Variants in TENM2 observed in about 807,000 individuals in gnomAD.
TENM2 encodes teneurin-2.
A neutral mutation model predicts 245.2 loss-of-function variants in TENM2; 52 were observed. The ratio of observed to expected loss-of-function variants is 0.21; its 90% CI spans 0.17 to 0.27. The LOEUF (loss-of-function observed/expected upper bound fraction) is 0.27, where lower values mean the gene tolerates loss of function less well. Among genes scored for constraint, TENM2 ranks in the 10% least tolerant of loss-of-function variants. The pLI is 1.00. For missense variants in TENM2, 3,046 were observed against 3,666.8 expected, an observed-to-expected ratio of 0.83 and a Z score of 4.37; for synonymous variants, 1,363 against 1,438.9, an observed-to-expected ratio of 0.95 and a Z score of 1.19.
At chr5:167,523,021 A>G (rs982413278) in intron 2 of TENM2, among the ~76,000 whole-genome samples, 2 of 152,118 alleles carry the variant, frequency 1.3e-5, no homozygotes, top group African/African-American at 4.8e-5. Flanking sequence ...GGCTGTTGTC[A>G]TTCCTTGGCT....
intron 1 of TENM2, among the ~76,000 whole-genome samples, chr5:167,341,791 T>C (rs1246499234): frequency 6.6e-6 from 1 of 152,160 alleles, no homozygotes; most frequent in African/African-American, 2.4e-5. Flanking sequence ...CTCCCATGCC[T>C]GAGGCAAAGT....
chr5:167,371,694 G>A lies in TENM2; in HGVS notation c.227-3504G>A, dbSNP rs557615965. Among the ~76,000 whole-genome samples, 156 of 152,124 alleles carry A rather than the reference G, an allele frequency of 1.0e-3. 1 individual carries two copies. The highest frequency in any genetic ancestry group is 3.4e-3 in the Middle Eastern group (1 of 294). On this transcript the variant is annotated intron_variant, in intron 1 of 28. Coordinates refer to ENST00000518659, the Ensembl canonical transcript of TENM2. ...TCCTATGTAATATTTATCACTGTAT[G>A]GATTGCACTTTGTTTATGTGATTCT...
intron 2 of TENM2, among the ~76,000 whole-genome samples, chr5:167,596,066 G>C (rs1582488780): frequency 6.6e-6 from 1 of 151,966 alleles, no homozygotes; most frequent in Admixed American, 6.6e-5. Flanking sequence ...TTCTCCTAAC[G>C]CTATTTTGTT....
At chr5:167,241,433 A>G in the TENM2 span, among the ~76,000 whole-genome samples, 394 of 152,312 alleles carry the variant, frequency 2.6e-3, 2 homozygotes, top group African/African-American at 9.2e-3. Context: ...TGGGTGGATA[A>G]GCAAGAGTTC....
At chr5:167,152,747 G>T in the TENM2 span, among the ~76,000 whole-genome samples, 1 of 152,212 alleles carries the variant, frequency 6.6e-6, no homozygotes, top group African/African-American at 2.4e-5. Flanking sequence ...TGTATAAAGT[G>T]TGGATTCGCT....
At chr5:167,802,859 C>T (rs921343653) in intron 2 of TENM2, among the ~76,000 whole-genome samples, 2 of 152,136 alleles carry the variant, frequency 1.3e-5, no homozygotes, top group African/African-American at 4.8e-5. Flanking sequence ...ACCTGTCAAC[C>T]TTCATTCTTT....
intron 2 of TENM2, among the ~76,000 whole-genome samples, chr5:167,431,935 ATATACATATATATG>A (rs1445869581): frequency 4.2e-5 from 4 of 95,770 alleles, no homozygotes; most frequent in Non-Finnish European, 6.6e-5. Flanking sequence ...ATACATATAT[ATATACATATATATG>A]TATATATATA....
chr5:167,530,388 G>T (rs1267186650), intron 2 of TENM2, among the ~76,000 whole-genome samples: 1 of 152,146 alleles, frequency 6.6e-6, no homozygotes, highest in African/African-American at 2.4e-5. Flanking sequence ...CAAACTGCAG[G>T]CACCCTTTCT....
intron 2 of TENM2, among the ~76,000 whole-genome samples, chr5:167,509,102 G>C (rs574647600): frequency 6.6e-6 from 1 of 152,308 alleles, no homozygotes; most frequent in Admixed American, 6.5e-5. Context: ...GTAGGTGTGA[G>C]CCACCCCACC....
intron 2 of TENM2, among the ~76,000 whole-genome samples, chr5:167,590,691 C>T (rs1775817836): frequency 6.6e-6 from 1 of 151,936 alleles, no homozygotes; most frequent in Non-Finnish European, 1.5e-5. Flanking sequence ...TCCTCTTTAA[C>T]TTGAGTCTCT....
chr5:168,124,974 T>C, exon 11 of TENM2: 1 of 1,611,798 alleles, frequency 6.2e-7, no homozygotes, highest in Non-Finnish European at 8.5e-7. Context: ...ACCAGTGCAG[T>C]GGGCATGGCA....
At chr5:168,005,277 G>A (rs1018318878) in intron 5 of TENM2, among the ~76,000 whole-genome samples, 6 of 152,086 alleles carry the variant, frequency 3.9e-5, no homozygotes, top group Admixed American at 6.6e-5. Flanking sequence ...GCTGTCTGTC[G>A]TGTTTGTATG....
chr5:167,599,227 T>G (rs1776435846), intron 2 of TENM2, among the ~76,000 whole-genome samples: 1 of 152,202 alleles, frequency 6.6e-6, no homozygotes, highest in African/African-American at 2.4e-5. Flanking sequence ...GAGTGTGTGT[T>G]GTCTTATTAG....
chr5:167,919,611 A>G (rs1777201742), intron 3 of TENM2, among the ~76,000 whole-genome samples: 1 of 152,214 alleles, frequency 6.6e-6, no homozygotes, highest in South Asian at 2.1e-4. Flanking sequence ...CCTTGACCTA[A>G]GAGGAAAAAT....
intron 2 of TENM2, among the ~76,000 whole-genome samples, chr5:167,746,096 A>C (rs2150616631): frequency 6.6e-6 from 1 of 152,340 alleles, no homozygotes; most frequent in South Asian, 2.1e-4. Context: ...CCAAGAAACC[A>C]AAGCTTATAA....
intron 2 of TENM2, among the ~76,000 whole-genome samples, chr5:167,749,120 A>T (rs1249276737): frequency 6.6e-6 from 1 of 152,110 alleles, no homozygotes; most frequent in Non-Finnish European, 1.5e-5. Context: ...TATTTCTTGG[A>T]ATAATTATCA....
intron 2 of TENM2, among the ~76,000 whole-genome samples, chr5:167,604,600 T>TC (rs1776894448): frequency 6.6e-6 from 1 of 152,200 alleles, no homozygotes; most frequent in Non-Finnish European, 1.5e-5. Flanking sequence ...ATTTAAAAAT[T>TC]CCCTACTATT....
At chr5:167,320,038 T>C (rs191333093) in intron 1 of TENM2, among the ~76,000 whole-genome samples, 4 of 152,304 alleles carry the variant, frequency 2.6e-5, no homozygotes, top group Non-Finnish European at 4.4e-5. Context: ...GCTAAGAACT[T>C]TGCTTATGTA....
intron 1 of TENM2, among the ~76,000 whole-genome samples, chr5:167,350,997 T>TTATATACATATGGATATATATATATGGGA (rs1561884155): frequency 1.8e-5 from 1 of 56,180 alleles, no homozygotes; most frequent in African/African-American, 5.1e-5. Flanking sequence ...TATATATGGA[T>TTATATACATATGGATATATATATATGGGA]TATATACATA....
Sources: gnomAD v4.1 joint callset for allele counts (sites outside exome capture counted in the v4.1 genomes callset) on GRCh38, gnomAD v4.1.1 for gene constraint, MANE v1.5 for transcripts, NCBI Gene and HGNC (gene_info 2026-07-23, HGNC 2026-07-21) for gene names.